The following HS6ST3 variants were observed in gnomAD, a reference collection of about 807,000 sequenced individuals.
The protein encoded by HS6ST3 is heparan-sulfate 6-O-sulfotransferase 3.
Under a neutral mutation model 36.7 loss-of-function variants are expected in HS6ST3, and 12 were observed. The ratio of observed to expected loss-of-function variants is 0.33; its 90% confidence interval spans 0.21 to 0.53. The LOEUF is 0.53. HS6ST3 is among the 20% of genes least tolerant of loss of function. The pLI is 0.95. For missense variants in HS6ST3, 584 were observed against 640.9 expected, an observed-to-expected ratio of 0.91 and a Z score of 0.96; for synonymous variants, 240 against 257.5, an observed-to-expected ratio of 0.93 and a Z score of 0.65.
intron 1 of HS6ST3, among the ~76,000 whole-genome samples, chr13:96,516,087 A>T (rs74571445): frequency 0.013 from 1,982 of 149,264 alleles, 44 homozygotes; most frequent in African/African-American, 0.046. Context: ...TTTGAGACAC[A>T]GTCTTGGTTT....
At chr13:96,194,804 T>C (rs889282598) in intron 1 of HS6ST3, among the ~76,000 whole-genome samples, 2 of 152,012 alleles carry the variant, frequency 1.3e-5, no homozygotes. Context: ...CAACCACTGT[T>C]CTACTCTGTT....
At chr13:96,241,854 A>G (rs1343057787) in intron 1 of HS6ST3, among the ~76,000 whole-genome samples, 4 of 138,534 alleles carry the variant, frequency 2.9e-5, no homozygotes, top group South Asian at 2.2e-4. Context: ...GGTGCGATCT[A>G]TGCTCACTGC....
intron 1 of HS6ST3, among the ~76,000 whole-genome samples, chr13:96,724,348 G>A (rs1295879924): frequency 6.6e-6 from 1 of 152,162 alleles, no homozygotes; most frequent in Non-Finnish European, 1.5e-5. Context: ...AACTTTTTAA[G>A]CAGTGTTCTT....
intron 1 of HS6ST3, among the ~76,000 whole-genome samples, chr13:96,137,746 AT>A (rs2054009889): frequency 1.3e-5 from 2 of 152,264 alleles, no homozygotes; most frequent in South Asian, 4.1e-4. Flanking sequence ...CCATGTCAGC[AT>A]TTGACCCTAC....
intron 1 of HS6ST3, among the ~76,000 whole-genome samples, chr13:96,607,857 A>G (rs1594817293): frequency 6.6e-6 from 1 of 152,360 alleles, no homozygotes; most frequent in African/African-American, 2.4e-5. Flanking sequence ...AATCTGAATC[A>G]TCAAAGCGAG....
At chr13:96,804,137 C>A (rs1414123391) in intron 1 of HS6ST3, among the ~76,000 whole-genome samples, 5 of 148,322 alleles carry the variant, frequency 3.4e-5, no homozygotes, top group African/African-American at 1.3e-4. Flanking sequence ...GGTTTTCAGC[C>A]CTGTTTTGCC....
Position 96,137,931 on chromosome 13 carries a change from A to G in HS6ST3, c.707+46362A>G, listed in dbSNP as rs149575539. ...CCTATTTTTATTGAAAGAAACAAGTAAGACAATTGACGTGCAGTGTAAAAT... is the reference window on the plus strand; with the variant it reads ...CCTATTTTTATTGAAAGAAACAAGTGAGACAATTGACGTGCAGTGTAAAAT... On this transcript the variant is annotated intron_variant, in intron 1 of 1. Transcript: ENST00000376705. Among the ~76,000 whole-genome samples the G allele has an allele frequency of 3.0e-3, 454 of 152,296 alleles. 3 individuals carry two copies. Among genetic ancestry groups the G allele is most frequent in the African/African-American group, 9.8e-3 (406 of 41,582 alleles).
At chr13:96,693,608 G>C (rs1875040005) in intron 1 of HS6ST3, among the ~76,000 whole-genome samples, 1 of 152,122 alleles carries the variant, frequency 6.6e-6, no homozygotes, top group African/African-American at 2.4e-5. Context: ...CAGCCGGCCA[G>C]ATTCTTTAGA....
chr13:96,125,764 ATTTT>A (rs200365476), intron 1 of HS6ST3, among the ~76,000 whole-genome samples: 1 of 150,656 alleles, frequency 6.6e-6, no homozygotes, highest in Non-Finnish European at 1.5e-5. Context: ...TTTTTCTTCC[ATTTT>A]TTTATTTTTT....
chr13:96,575,767 C>T (rs573842454), intron 1 of HS6ST3, among the ~76,000 whole-genome samples: 18 of 152,284 alleles, frequency 1.2e-4, no homozygotes, highest in Non-Finnish European at 2.2e-4. Context: ...GTTTTCTTCT[C>T]GCCTTGCTTG....
intron 1 of HS6ST3, among the ~76,000 whole-genome samples, chr13:96,130,999 C>T (rs1052358665): frequency 6.6e-6 from 1 of 152,176 alleles, no homozygotes; most frequent in African/African-American, 2.4e-5. Flanking sequence ...GCTGTTCCCT[C>T]CCACTACCAA....
At chr13:96,508,126 G>A (rs1305411854) in intron 1 of HS6ST3, among the ~76,000 whole-genome samples, 1 of 152,024 alleles carries the variant, frequency 6.6e-6, no homozygotes, top group African/African-American at 2.4e-5. Context: ...CTATTTTTAT[G>A]AGTTACATGA....
chr13:96,751,284 T>C (rs996772112), intron 1 of HS6ST3, among the ~76,000 whole-genome samples: 3 of 152,134 alleles, frequency 2.0e-5, no homozygotes, highest in Admixed American at 2.0e-4. Context: ...GGATGAGCCC[T>C]GTAAATCCAA....
chr13:96,094,817 C>T (rs1349483896), intron 1 of HS6ST3, among the ~76,000 whole-genome samples: 2 of 152,116 alleles, frequency 1.3e-5, no homozygotes, highest in Admixed American at 6.5e-5. Flanking sequence ...GGTGGCACAT[C>T]GGAATTACCT....
Position 96,091,098 on chromosome 13 carries a change from C to T in HS6ST3, c.236C>T (p.Pro79Leu), listed in dbSNP as rs1284327720. 4 of 1,358,578 alleles carry T rather than the reference C, an allele frequency of 2.9e-6. No homozygotes were observed. The African/African-American group carries it at 6.1e-5, about 21-fold the overall frequency. The allele number at this position is 1,358,578 out of a possible 1,614,324, so 84.2% of individuals were successfully genotyped here. Residue 79 changes from proline (P) to leucine (L), a missense_variant, in exon 1 of 2, where the codon CCC becomes CTC. Transcript: ENST00000376705. ...TTGCCCCCGCCGCCCCGGGGGCCCC[C>T]CGAGGGACCTCGGGGGGCCGCGGCG... ...PQLPPPPRGP[P>L]EGPRGAAAPE...
At chr13:96,821,491 G>A (rs994012063) in intron 1 of HS6ST3, among the ~76,000 whole-genome samples, 24 of 152,206 alleles carry the variant, frequency 1.6e-4, no homozygotes, top group African/African-American at 5.3e-4. Context: ...AAAGTAGTAC[G>A]TGACTCAAAG....
chr13:96,381,143 C>T (rs557409768), intron 1 of HS6ST3, among the ~76,000 whole-genome samples: 68 of 152,298 alleles, frequency 4.5e-4, no homozygotes, highest in African/African-American at 1.5e-3. Context: ...TTGTGTGCTG[C>T]TCTTCCTTAT....
chr13:96,249,094 C>T (rs975613883), intron 1 of HS6ST3, among the ~76,000 whole-genome samples: 2 of 152,254 alleles, frequency 1.3e-5, no homozygotes, highest in Non-Finnish European at 2.9e-5. Context: ...TTTTTATTCT[C>T]ATTCATCTAA....
intron 1 of HS6ST3, among the ~76,000 whole-genome samples, chr13:96,774,227 C>A (rs1410405010): frequency 2.0e-5 from 3 of 152,158 alleles, no homozygotes; most frequent in Admixed American, 6.5e-5. Context: ...TGAGGAAAAA[C>A]CAGCTCAAAA....
Sources: gnomAD v4.1 joint callset for allele counts (sites outside exome capture counted in the v4.1 genomes callset) on GRCh38, gnomAD v4.1.1 for gene constraint, MANE v1.5 for transcripts, NCBI Gene and HGNC (gene_info 2026-07-23, HGNC 2026-07-21) for gene names.